Variants in TBL1XR1 observed in about 807,000 individuals in gnomAD.
The protein encoded by TBL1XR1 is TBL1X/Y related 1.
A neutral mutation model predicts 66.9 loss-of-function variants in TBL1XR1; 5 were observed. The observed-to-expected ratio is 0.07, with a 90% CI of 0.04 to 0.16. TBL1XR1 has a LOEUF of 0.16. Ranked by LOEUF, TBL1XR1 falls within the 10% of genes least tolerant of loss-of-function variation. The pLI, the probability that TBL1XR1 is intolerant of heterozygous loss-of-function variation, is 1.00. For missense variants in TBL1XR1, 238 were observed against 623.2 expected, an observed-to-expected ratio of 0.38 and a Z score of 6.58; for synonymous variants, 210 against 206.0, an observed-to-expected ratio of 1.02 and a Z score of -0.17.
chr3:177,115,949 G>A (rs1051006031), intron 1 of TBL1XR1, among the ~76,000 whole-genome samples: 12 of 152,110 alleles, frequency 7.9e-5, no homozygotes, highest in Non-Finnish European at 1.2e-4. Flanking sequence ...TCAGAAGTCC[G>A]CTAGGGAAGG....
Position 177,034,453 on chromosome 3 carries a change from G to A in TBL1XR1, c.1123-128C>T, listed in dbSNP as rs185384600. 90 of 557,506 alleles carry A rather than the reference G, an allele frequency of 1.6e-4. No individual in the cohort carries two copies. The African/African-American group carries it at 1.6e-3, about 10-fold the overall frequency. 34.5% of individuals were successfully genotyped at this position (557,506 alleles called of 1,614,324 possible). A position where few individuals can be genotyped will look rare whatever the true frequency, so the allele number is the denominator to read the frequency against. On this transcript the variant is annotated intron_variant, in intron 12 of 15. Coordinates refer to ENST00000457928, the MANE Select transcript of TBL1XR1 (RefSeq NM_024665.7). ...GAGTGATATAACCAGAATGATGATA[G>A]AATATTTACAAAGAAACTGAAATGC...
chr3:177,198,626 T>C (rs550309525), upstream of TBL1XR1, among the ~76,000 whole-genome samples: 6 of 152,304 alleles, frequency 3.9e-5, no homozygotes, highest in Non-Finnish European at 7.3e-5. Context: ...TAGGGTGCTT[T>C]TTAGAGCTTT....
chr3:177,043,437 T>G (rs1715876888), intron 10 of TBL1XR1, among the ~76,000 whole-genome samples: 1 of 152,188 alleles, frequency 6.6e-6, no homozygotes, highest in Admixed American at 6.5e-5. Flanking sequence ...TTCTGAGCTT[T>G]GAAATCTAGT....
chr3:177,191,652 CAACT>C (rs1736156282), intron 1 of TBL1XR1, among the ~76,000 whole-genome samples: 1 of 152,138 alleles, frequency 6.6e-6, no homozygotes, highest in African/African-American at 2.4e-5. Context: ...CTTCTAAGGA[CAACT>C]ATCTAGACAG....
intron 3 of TBL1XR1, among the ~76,000 whole-genome samples, chr3:177,054,237 G>A (rs1387677859): frequency 1.3e-5 from 2 of 152,042 alleles, no homozygotes; most frequent in East Asian, 1.9e-4. Context: ...AAATGTAAAA[G>A]GTAAAACAAG....
chr3:177,134,973 GTGTGTC>G (rs1553852565), intron 1 of TBL1XR1, among the ~76,000 whole-genome samples: 2 of 150,538 alleles, frequency 1.3e-5, no homozygotes, highest in Non-Finnish European at 3.0e-5. Flanking sequence ...GTGTCTGTGT[GTGTGTC>G]TGTGTGTGTG....
chr3:177,182,158 AG>A (rs1734903053), intron 1 of TBL1XR1, among the ~76,000 whole-genome samples: 1 of 151,916 alleles, frequency 6.6e-6, no homozygotes, highest in Admixed American at 6.6e-5. Flanking sequence ...AAGCTACAGC[AG>A]GTGGATCACT....
At chr3:177,197,563 CGCGGCGGCGGCG>C (rs550182398), upstream of TBL1XR1, among the ~76,000 whole-genome samples, 1 of 144,320 alleles carries the variant, frequency 6.9e-6, no homozygotes. Context: ...TCGCGAGGCC[CGCGGCGGCGGCG>C]GCGGCGGCGG....
chr3:177,074,867 C>A (rs752096810), intron 2 of TBL1XR1, among the ~76,000 whole-genome samples: 31 of 152,078 alleles, frequency 2.0e-4, no homozygotes, highest in Non-Finnish European at 4.1e-4. Flanking sequence ...TATTAAGTAC[C>A]TTAATATTTC....
chr3:177,135,243 C>G (rs1280260454), intron 1 of TBL1XR1, among the ~76,000 whole-genome samples: 1 of 146,128 alleles, frequency 6.8e-6, no homozygotes, highest in African/African-American at 2.5e-5. Context: ...CTCAGGTAAT[C>G]CACCCACCTC....
chr3:177,026,025 G>A, intron 15 of TBL1XR1: 1 of 294,714 alleles, frequency 3.4e-6, no homozygotes, highest in Non-Finnish European at 6.2e-6. Context: ...TGCCTTCCCT[G>A]GGCCAAAAAA....
intron 1 of TBL1XR1, among the ~76,000 whole-genome samples, chr3:177,152,584 C>A (rs775181970): frequency 6.6e-6 from 1 of 152,184 alleles, no homozygotes; most frequent in African/African-American, 2.4e-5. Flanking sequence ...AGCCATGGTG[C>A]CCGGCCGCCC....
At chr3:177,158,587 C>G (rs1731803183) in intron 1 of TBL1XR1, among the ~76,000 whole-genome samples, 3 of 152,236 alleles carry the variant, frequency 2.0e-5, no homozygotes, top group East Asian at 3.9e-4. Context: ...CTATGGTATA[C>G]TCCTAAATTT....
chr3:177,144,021 G>A (rs1056970770), intron 1 of TBL1XR1, among the ~76,000 whole-genome samples: 3 of 152,046 alleles, frequency 2.0e-5, no homozygotes, highest in East Asian at 1.9e-4. Flanking sequence ...GGAGGCAGGC[G>A]GATCACCTGA....
intron 1 of TBL1XR1, among the ~76,000 whole-genome samples, chr3:177,112,398 G>GC (rs1725764478): frequency 6.6e-6 from 1 of 151,908 alleles, no homozygotes; most frequent in Admixed American, 6.6e-5. Context: ...ACGAGCCACG[G>GC]CCCCCGGCCT....
chr3:177,060,907 G>A (rs926033818), intron 3 of TBL1XR1, among the ~76,000 whole-genome samples: 2 of 152,132 alleles, frequency 1.3e-5, no homozygotes, highest in African/African-American at 4.8e-5. Context: ...GTTACTTACA[G>A]TATTATATAT....
chr3:177,155,558 T>C (rs913897482), intron 1 of TBL1XR1, among the ~76,000 whole-genome samples: 18 of 152,336 alleles, frequency 1.2e-4, no homozygotes, highest in African/African-American at 4.1e-4. Context: ...TGTCTATAAA[T>C]AATGTGAATA....
chr3:177,056,064 T>TA (rs1717764328), intron 3 of TBL1XR1, among the ~76,000 whole-genome samples: 1 of 152,146 alleles, frequency 6.6e-6, no homozygotes, highest in Non-Finnish European at 1.5e-5. Context: ...TGATAGAAAG[T>TA]AAAAGACTAC....
At chr3:177,139,806 T>C (rs1729432588) in intron 1 of TBL1XR1, among the ~76,000 whole-genome samples, 1 of 151,918 alleles carries the variant, frequency 6.6e-6, no homozygotes, top group Non-Finnish European at 1.5e-5. Flanking sequence ...AATGATTCAG[T>C]TGTCAAACTG....
Sources: gnomAD v4.1 joint callset for allele counts (sites outside exome capture counted in the v4.1 genomes callset) on GRCh38, gnomAD v4.1.1 for gene constraint, MANE v1.5 for transcripts, NCBI Gene and HGNC (gene_info 2026-07-23, HGNC 2026-07-21) for gene names.